The following RYR3 variants were observed in gnomAD, a reference collection of about 807,000 sequenced individuals.
RYR3 encodes the protein brain ryanodine receptor-calcium release channel.
A neutral mutation model predicts 584.3 loss-of-function variants in RYR3; 207 were observed. The observed-to-expected ratio is 0.35, with a 90% CI of 0.32 to 0.40. RYR3 has a LOEUF of 0.40. RYR3 is among the 10% of genes least tolerant of loss of function. RYR3 has a pLI of 1.00. For missense variants in RYR3, 5,616 were observed against 6,089.2 expected, an observed-to-expected ratio of 0.92 and a Z score of 2.59; for synonymous variants, 2,416 against 2,248.5, an observed-to-expected ratio of 1.07 and a Z score of -2.11.
intron 17 of RYR3, among the ~76,000 whole-genome samples, chr15:33,602,844 C>T (rs2059737843): frequency 7.0e-6 from 1 of 143,838 alleles, no homozygotes; most frequent in African/African-American, 2.6e-5. Flanking sequence ...CTGCTAGGCT[C>T]AAGCAGTTCT....
chr15:33,379,645 G>A (rs951327643), intron 1 of RYR3, among the ~76,000 whole-genome samples: 1 of 121,120 alleles, frequency 8.3e-6, no homozygotes, highest in African/African-American at 5.0e-5. Context: ...TTATGTGTAT[G>A]TGTGTGTGTG....
chr15:33,819,834 C>G, intron 77 of RYR3, 27 bp downstream of exon 77: 1 of 1,549,714 alleles, frequency 6.5e-7, no homozygotes, highest in Non-Finnish European at 8.8e-7. Flanking sequence ...TGCCCATTGT[C>G]TCTGTCTTTC....
At chr15:33,333,560 C>T (rs1187700582) in intron 1 of RYR3, among the ~76,000 whole-genome samples, 2 of 152,068 alleles carry the variant, frequency 1.3e-5, no homozygotes, top group Non-Finnish European at 2.9e-5. Context: ...ATAATAAGAG[C>T]CACATATGAC....
At chr15:33,460,758 G>A (rs954836779) in intron 1 of RYR3, among the ~76,000 whole-genome samples, 9 of 152,000 alleles carry the variant, frequency 5.9e-5, no homozygotes, top group African/African-American at 2.2e-4. Context: ...ATCTGGAACA[G>A]AATTTTTAGG....
intron 43 of RYR3, among the ~76,000 whole-genome samples, chr15:33,710,279 T>C (rs1420365847): frequency 6.6e-6 from 1 of 151,098 alleles, no homozygotes; most frequent in Admixed American, 6.6e-5. Context: ...GGACTAGGCA[T>C]GTCACATGGC....
At chr15:33,432,541 G>A (rs1329180089) in intron 1 of RYR3, among the ~76,000 whole-genome samples, 1 of 151,304 alleles carries the variant, frequency 6.6e-6, no homozygotes, top group African/African-American at 2.4e-5. Flanking sequence ...CGTGTTTTCC[G>A]AATTTTTGAC....
chr15:33,647,651 T>C (rs1377150157), intron 30 of RYR3, among the ~76,000 whole-genome samples, 191 bp downstream of exon 30: 1 of 152,188 alleles, frequency 6.6e-6, no homozygotes, highest in Non-Finnish European at 1.5e-5. Flanking sequence ...AGTTATTCAG[T>C]GCAAAGCAAA....
At chr15:33,788,574 C>G (rs745942092) in intron 67 of RYR3, 116 bp downstream of exon 67, 1 of 1,165,206 alleles carries the variant, frequency 8.6e-7, no homozygotes, top group Non-Finnish European at 1.2e-6. Context: ...AGGCGATAGC[C>G]GCCCCCACCA....
At chr15:33,376,984 C>T (rs549800503) in intron 1 of RYR3, among the ~76,000 whole-genome samples, 2 of 152,254 alleles carry the variant, frequency 1.3e-5, no homozygotes, top group Admixed American at 1.3e-4. Flanking sequence ...ATCTATTGAT[C>T]TATCCTTATA....
Position 33,603,316 on chromosome 15 carries a change from G to T in RYR3, c.2116G>T (p.Gly706Cys). Residue 706 changes from glycine to cysteine, a missense_variant, in exon 18 of 104, where the codon GGT (glycine) becomes TGT (cysteine). Coordinates refer to ENST00000634891, the MANE Select transcript of RYR3 (RefSeq NM_001036.6). The stretch of plus-strand genomic sequence containing the variant: ...AGAAGGATGGGGAGGCAATGGTGTT[G>T]GTGACGACCTGTACTCCTATGGCTT... ...GGEGWGGNGV[G>C]DDLYSYGFDG... The T allele has an allele frequency of 6.2e-7, 1 of 1,613,008 alleles. No homozygotes were observed. The highest frequency in any genetic ancestry group is 8.5e-7 in the Non-Finnish European group (1 of 1,179,322).
intron 1 of RYR3, among the ~76,000 whole-genome samples, chr15:33,344,541 T>C (rs1972207156): frequency 6.6e-6 from 1 of 152,134 alleles, no homozygotes; most frequent in South Asian, 2.1e-4. Context: ...CTAGTTCATA[T>C]AGAAAAAATG....
intron 3 of RYR3, among the ~76,000 whole-genome samples, chr15:33,511,592 T>G (rs1458001539): frequency 6.8e-6 from 1 of 146,328 alleles, no homozygotes; most frequent in East Asian, 1.9e-4. Context: ...TTCCATTCTT[T>G]GTGTCTCTGC....
intron 12 of RYR3, among the ~76,000 whole-genome samples, chr15:33,568,932 G>T (rs1333976967): frequency 6.6e-6 from 1 of 152,074 alleles, no homozygotes; most frequent in Non-Finnish European, 1.5e-5. Flanking sequence ...AAAATATGTT[G>T]TCTTTTGAAT....
intron 78 of RYR3, among the ~76,000 whole-genome samples, 151 bp downstream of exon 78, chr15:33,820,963 CAG>C (rs949051706): frequency 3.5e-5 from 1 of 28,890 alleles, no homozygotes; most frequent in African/African-American, 2.3e-4. Context: ...CCCTGTGTAA[CAG>C]AACATGGAAA....
At chr15:33,558,171 C>T (rs529133501) in intron 10 of RYR3, among the ~76,000 whole-genome samples, 1 of 152,014 alleles carries the variant, frequency 6.6e-6, no homozygotes, top group Admixed American at 6.6e-5. Context: ...TATGTATACA[C>T]TTGCTATGTT....
At chr15:33,778,383 A>T (rs2074159087) in intron 64 of RYR3, among the ~76,000 whole-genome samples, 1 of 152,126 alleles carries the variant, frequency 6.6e-6, no homozygotes, top group Non-Finnish European at 1.5e-5. Context: ...TGTGGTAAAG[A>T]TGGTAAAACT....
chr15:33,834,238 C>T (rs906193911), intron 86 of RYR3, among the ~76,000 whole-genome samples: 23 of 151,618 alleles, frequency 1.5e-4, no homozygotes, highest in Non-Finnish European at 3.1e-4. Context: ...AAGCCGAGAT[C>T]ATGCCACTGC....
chr15:33,618,668 CATT>C (rs974760274), intron 19 of RYR3, among the ~76,000 whole-genome samples: 5 of 152,222 alleles, frequency 3.3e-5, no homozygotes, highest in African/African-American at 1.2e-4. Context: ...TTCTGTGAAA[CATT>C]ATCCCAGCTC....
At position 33,825,622 on chromosome 15, in the gene RYR3, T is replaced by C; in HGVS notation, c.11092T>C (p.Phe3698Leu). The C allele has an allele frequency of 6.2e-7, 1 of 1,612,648 alleles. No individual in the cohort carries two copies. The highest frequency in any genetic ancestry group is 8.5e-7 in the Non-Finnish European group (1 of 1,178,928). ...TAAAAGTGTCCTTGATTTGAATGCA[T>C]TTGAGAGGCAGAATAAAGCTGAAGG... is the stretch of plus-strand genomic sequence containing the variant. ...QSCSVLDLNA[F>L]ERQNKAEGLG... The change falls in exon 82 of 104, where the codon TTT becomes CTT. Residue 3698 changes from phenylalanine (F) to leucine (L), a missense_variant. By Grantham distance (22) the Phe-to-Leu change is conservative. Around this residue, in one of 9 missense-constraint regions of RYR3, gnomAD observed 954 missense variants for 1,132.2 expected, o/e 0.84. Coordinates refer to ENST00000634891, the MANE Select transcript of RYR3 (RefSeq NM_001036.6).
Sources: gnomAD v4.1 joint callset for allele counts (sites outside exome capture counted in the v4.1 genomes callset) on GRCh38, gnomAD v4.1.1 for gene constraint, gnomAD v4.1.1 regional missense constraint, MANE v1.5 for transcripts, NCBI Gene and HGNC (gene_info 2026-07-23, HGNC 2026-07-21) for gene names.